The following ATP9A variants were observed in gnomAD, a reference collection of about 807,000 sequenced individuals.
The protein encoded by ATP9A is ATPase phospholipid transporting 9A, also known as probable phospholipid-transporting ATPase IIA.
In ATP9A, 52 loss-of-function variants were observed where a neutral mutation model predicts 144.1. The ratio of observed to expected loss-of-function variants is 0.36; its 90% CI spans 0.29 to 0.45. The LOEUF (loss-of-function observed/expected upper bound fraction) is 0.45, where lower values mean the gene tolerates loss of function less well. ATP9A is among the 20% of genes least tolerant of loss of function. The pLI is 1.00. For synonymous variants in ATP9A, 582 were observed against 557.4 expected (o/e 1.04, Z -0.62); for missense variants, 947 against 1,392.7 (o/e 0.68, Z 5.09).
At chr20:51,669,869 TA>T (rs927887941) in intron 13 of ATP9A, 127 bp downstream of exon 13, 203 of 704,320 alleles carry the variant, frequency 2.9e-4, no homozygotes, top group East Asian at 2.7e-3. Context: ...TGAATATGCT[TA>T]AAAAAAAACA....
intron 1 of ATP9A, among the ~76,000 whole-genome samples, chr20:51,736,184 T>C (rs1484821098): frequency 1.3e-5 from 2 of 152,132 alleles, no homozygotes; most frequent in Non-Finnish European, 2.9e-5. Context: ...TCGCAAAGCA[T>C]GCAAAGACTG....
rs187548319 is a variant in ATP9A, at chr20:51,702,604, A to C, written c.437-5122T>G. 3.9e-5 allele frequency among the ~76,000 whole-genome samples: 6 copies of C among 152,180 alleles called. No homozygotes were observed. The East Asian group carries it at 9.7e-4, about 25-fold the overall frequency. On this transcript the variant is annotated intron_variant, in intron 4 of 27. Transcript: ENST00000338821. ...GGAGCTCTCAAGTTGGTAGGGAGAA[A>C]GAGGGAGAGAAAAGAGAGACCAAAG... is the stretch of plus-strand genomic sequence containing the variant.
Position 51,600,262 on chromosome 20 carries a change from C to CT in ATP9A, c.*948dup, listed in dbSNP as rs2077136668. On this transcript the variant is annotated 3_prime_UTR_variant, in exon 28 of 28. Transcript: ENST00000338821. ...AAGAGAAGAGTCCCAGCCCCCTGAC[C>CT]TTTCCGCTTTGGTCTTGGAGGATCT... 6.6e-6 allele frequency: 1 copy of CT among 152,256 alleles called. No homozygotes were observed. Among genetic ancestry groups the CT allele is most frequent in the Admixed American group, 6.5e-5 (1 of 15,284 alleles). The allele number at this position is 152,256 out of a possible 1,614,324, so 9.4% of individuals were successfully genotyped here.
chr20:51,643,825 G>C (rs2077330487), intron 14 of ATP9A, among the ~76,000 whole-genome samples: 1 of 152,112 alleles, frequency 6.6e-6, no homozygotes, highest in African/African-American at 2.4e-5. Context: ...TAACAAATCA[G>C]TAATGATTCG....
At chr20:51,669,941 C>T in intron 13 of ATP9A, 56 bp downstream of exon 13, 2 of 1,025,756 alleles carry the variant, frequency 1.9e-6, no homozygotes, top group East Asian at 2.5e-5. Flanking sequence ...CTCAATATAG[C>T]TGTTAAAAAA....
rs776408069 is a variant in ATP9A, at chr20:51,622,057, C to T, written c.2115+17G>A. 48 of 1,611,424 alleles carry T rather than the reference C, an allele frequency of 3.0e-5. No individual in the cohort carries two copies. The highest frequency in any genetic ancestry group is 5.3e-5 in the African/African-American group (4 of 74,858). On this transcript the variant is annotated intron_variant, in intron 19 of 27. Coordinates refer to ENST00000338821, the MANE Select transcript of ATP9A (RefSeq NM_006045.3). ...GAACATCATCCCCACATGGCCCTAACGCAGAGGACACTTTACCAGCCGAAA... is the reference window on the plus strand; with the variant it reads ...GAACATCATCCCCACATGGCCCTAATGCAGAGGACACTTTACCAGCCGAAA...
chr20:51,747,100 T>TG (rs1491479931), intron 1 of ATP9A, among the ~76,000 whole-genome samples: 3 of 80,780 alleles, frequency 3.7e-5, no homozygotes, highest in African/African-American at 8.9e-5. Flanking sequence ...GGTTTTTCGT[T>TG]TTTTTTTTTT....
chr20:51,642,580 G>A (rs1226589483), intron 14 of ATP9A, among the ~76,000 whole-genome samples: 2 of 151,814 alleles, frequency 1.3e-5, no homozygotes, highest in African/African-American at 2.4e-5. Context: ...CTGCATTGCT[G>A]CGGAGGCTCT....
rs138547397 is a variant in ATP9A at position 51,620,325 on chromosome 20, AACAG to A, written c.2116-1286_2116-1283del. Among the ~76,000 whole-genome samples the A allele has an allele frequency of 8.3e-3, 1,260 of 152,334 alleles. 17 individuals are homozygous for A. The highest frequency in any genetic ancestry group is 0.029 in the African/African-American group (1,199 of 41,564). On this transcript the variant is annotated intron_variant, in intron 19 of 27. Transcript: ENST00000338821. ...TTAGTTTGCAATCCCTGAATTCTAG[AACAG>A]ACAGTCAATTCTCATTATTCATAGT...
chr20:51,615,582 T>TA (rs2077200170), intron 22 of ATP9A, among the ~76,000 whole-genome samples: 1 of 152,240 alleles, frequency 6.6e-6, no homozygotes, highest in Admixed American at 6.5e-5. Flanking sequence ...TAACCAGTGT[T>TA]ACTCATTTGA....
intron 9 of ATP9A, among the ~76,000 whole-genome samples, chr20:51,687,802 TGAAA>T (rs1568820933): frequency 6.6e-6 from 1 of 150,804 alleles, no homozygotes; most frequent in Non-Finnish European, 1.5e-5. Flanking sequence ...AATGAATGAA[TGAAA>T]GAGAGAAGCA....
intron 27 of ATP9A, among the ~76,000 whole-genome samples, chr20:51,601,832 G>A (rs1454967484): frequency 2.0e-5 from 3 of 152,078 alleles, no homozygotes; most frequent in African/African-American, 7.2e-5. Context: ...TCTGAGCCCG[G>A]GGAGCTTGAG....
rs371827045 is a variant in ATP9A at position 51,644,679 on chromosome 20, C to T, written c.1507-5175G>A. 1.1e-4 allele frequency among the ~76,000 whole-genome samples: 17 copies of T among 152,062 alleles called. 2 individuals carry two copies. The highest frequency in any genetic ancestry group is 3.9e-4 in the East Asian group (2 of 5,186). Reference sequence around the variant, plus strand: ...AATACAATTCAAATATTACAAATACCTAGTTATGTACAAGCTAAAAAACCC... The same window carrying T: ...AATACAATTCAAATATTACAAATACTTAGTTATGTACAAGCTAAAAAACCC... On this transcript the variant is annotated intron_variant, in intron 14 of 27. Transcript: ENST00000338821.
intron 4 of ATP9A, among the ~76,000 whole-genome samples, chr20:51,708,222 C>T (rs1463036593): frequency 1.3e-5 from 2 of 151,274 alleles, no homozygotes; most frequent in African/African-American, 2.4e-5. Flanking sequence ...GAGGGTGAGG[C>T]GGGTGCCATC....
At chr20:51,718,672 A>C (rs2122857995) in intron 3 of ATP9A, among the ~76,000 whole-genome samples, 1 of 150,732 alleles carries the variant, frequency 6.6e-6, no homozygotes, top group Non-Finnish European at 1.5e-5. Flanking sequence ...AAAGTTAGCC[A>C]GGTGTGGTGG....
chr20:51,712,917 G>A (rs779319128), intron 4 of ATP9A, 49 bp downstream of exon 4: 46 of 1,492,972 alleles, frequency 3.1e-5, no homozygotes, highest in African/African-American at 2.2e-4. Context: ...GACTGTCAGC[G>A]GCCCGTGATT....
At chr20:51,762,419 C>T (rs564704647) in intron 1 of ATP9A, among the ~76,000 whole-genome samples, 8 of 151,594 alleles carry the variant, frequency 5.3e-5, no homozygotes, top group African/African-American at 4.8e-5. Flanking sequence ...CTGCTTGAAC[C>T]GGGAGGCAGA....
chr20:51,633,188 T>A (rs1021619520), intron 15 of ATP9A, among the ~76,000 whole-genome samples: 1 of 151,988 alleles, frequency 6.6e-6, no homozygotes, highest in African/African-American at 2.4e-5. Context: ...AGCCAAAAAA[T>A]AAGTTAATGA....
rs1044482488 is a variant in ATP9A at position 51,620,675 on chromosome 20, G to A, written c.2115+1399C>T. Among the ~76,000 whole-genome samples the A allele has an allele frequency of 9.2e-5, 14 of 152,130 alleles. No homozygotes were observed. The East Asian group carries it at 1.9e-3, about 21-fold the overall frequency. On this transcript the variant is annotated intron_variant, in intron 19 of 27. Coordinates refer to ENST00000338821, the MANE Select transcript of ATP9A (RefSeq NM_006045.3). ...CCAGAAAACAAGCCAGCAAAGAAGC[G>A]CTGTGTGCGGCCATTTTAAACGACA...
Sources: allele counts gnomAD v4.1 joint callset (sites outside exome capture counted in the v4.1 genomes callset), GRCh38; gene constraint gnomAD v4.1.1; transcripts MANE v1.5; gene names NCBI Gene and HGNC (gene_info 2026-07-23, HGNC 2026-07-21).